SLC8A3: variants seen among roughly 807,000 people sequenced by gnomAD.
SLC8A3 encodes sodium/calcium exchanger 3.
SLC8A3 carries 37 observed loss-of-function variants against 65.4 expected under a neutral mutation model. That is an observed-to-expected ratio of 0.57 (90% CI 0.44 to 0.74). The LOEUF (loss-of-function observed/expected upper bound fraction) is 0.74. Among genes scored for constraint, SLC8A3 ranks in the 30% least tolerant of loss-of-function variants. The probability of loss-of-function intolerance (pLI) is 0.00; values close to 1 mark genes in which losing one functional copy is unlikely to be tolerated. For missense variants in SLC8A3, 1,112 were observed against 1,172.1 expected (o/e 0.95, Z 0.75); for synonymous variants, 461 against 444.5 (o/e 1.04, Z -0.47).
intron 1 of SLC8A3, among the ~76,000 whole-genome samples, chr14:70,182,919 G>T (rs1487284528): frequency 6.6e-6 from 1 of 152,156 alleles, no homozygotes; most frequent in Non-Finnish European, 1.5e-5. Flanking sequence ...GGAAATGAAG[G>T]GTTTTGTTTC....
intron 2 of SLC8A3, among the ~76,000 whole-genome samples, chr14:70,164,574 G>A (rs1897062149): frequency 6.6e-6 from 1 of 152,140 alleles, no homozygotes. Context: ...ACGCAAATAA[G>A]TTTGAGGAAG....
chr14:70,045,945 G>A lies in SLC8A3; in HGVS notation c.*2C>T, dbSNP rs1421480045. 1.9e-6 allele frequency: 3 copies of A among 1,585,586 alleles called. No individual in the cohort carries two copies. The highest frequency in any genetic ancestry group is 2.3e-5 in the East Asian group (1 of 44,286). ...GCCCTGCTGGAGGCTCTGTTGTGTG[G>A]CTTAGAACCCCTTGATGTAGCAATA... is the stretch of plus-strand genomic sequence containing the variant. On this transcript the variant is annotated 3_prime_UTR_variant, in exon 7 of 7. Coordinates refer to ENST00000356921, the MANE Select transcript of SLC8A3 (RefSeq NM_182932.3).
chr14:70,146,853 G>A (rs1895957163), intron 2 of SLC8A3, among the ~76,000 whole-genome samples: 1 of 152,228 alleles, frequency 6.6e-6, no homozygotes, highest in Non-Finnish European at 1.5e-5. Context: ...GAGGAAATGT[G>A]TGTGTTAGAT....
At chr14:70,050,419 T>G (rs1438746735) in intron 5 of SLC8A3, among the ~76,000 whole-genome samples, 3 of 152,136 alleles carry the variant, frequency 2.0e-5, no homozygotes, top group Non-Finnish European at 4.4e-5. Context: ...TGATGGTGGT[T>G]GGGAGACCTT....
intron 2 of SLC8A3, among the ~76,000 whole-genome samples, chr14:70,091,084 C>G (rs186097418): frequency 5.3e-5 from 8 of 152,310 alleles, no homozygotes; most frequent in African/African-American, 1.9e-4. Flanking sequence ...AAAACAGCTG[C>G]AACGATAATG....
chr14:70,113,723 G>A (rs1030932026), intron 2 of SLC8A3, among the ~76,000 whole-genome samples: 1 of 152,140 alleles, frequency 6.6e-6, no homozygotes, highest in African/African-American at 2.4e-5. Flanking sequence ...ATAACCACAG[G>A]CTAAATCAAC....
At chr14:70,133,960 C>T (rs1028524882) in intron 2 of SLC8A3, among the ~76,000 whole-genome samples, 3 of 152,174 alleles carry the variant, frequency 2.0e-5, no homozygotes, top group African/African-American at 7.2e-5. Context: ...GTCAACTTCC[C>T]CTCTATCTTC....
At chr14:70,096,393 G>A (rs530900422) in intron 2 of SLC8A3, among the ~76,000 whole-genome samples, 63 of 152,234 alleles carry the variant, frequency 4.1e-4, no homozygotes, top group African/African-American at 1.3e-3. Context: ...AACACAAATC[G>A]TTGACAATGA....
At chr14:70,163,567 C>T (rs1357560521) in intron 2 of SLC8A3, among the ~76,000 whole-genome samples, 1 of 152,178 alleles carries the variant, frequency 6.6e-6, no homozygotes, top group African/African-American at 2.4e-5. Context: ...TCCAAGTACC[C>T]TGAAGCTATC....
chr14:70,116,355 G>GTGTGTGTA (rs1055199115), intron 2 of SLC8A3, among the ~76,000 whole-genome samples: 2 of 147,408 alleles, frequency 1.4e-5, no homozygotes, highest in African/African-American at 4.9e-5. Context: ...GTGTGTGTGT[G>GTGTGTGTA]TATGTGTGTG....
chr14:70,142,462 G>A (rs1381295751), intron 2 of SLC8A3, among the ~76,000 whole-genome samples: 1 of 152,176 alleles, frequency 6.6e-6, no homozygotes, highest in East Asian at 1.9e-4. Context: ...TGTGAAATAA[G>A]GCATCAGGTA....
At chr14:70,082,690 G>A (rs1431087067) in intron 2 of SLC8A3, among the ~76,000 whole-genome samples, 1 of 152,128 alleles carries the variant, frequency 6.6e-6, no homozygotes, top group African/African-American at 2.4e-5. Context: ...GTGTAGCTGT[G>A]TCATACACCT....
chr14:70,140,480 A>C (rs570979563), intron 2 of SLC8A3, among the ~76,000 whole-genome samples: 1 of 152,328 alleles, frequency 6.6e-6, no homozygotes, highest in South Asian at 2.1e-4. Context: ...TCCTCTCTGC[A>C]TTAATTCCAG....
At chr14:70,187,417 C>T (rs1260094276) in intron 1 of SLC8A3, among the ~76,000 whole-genome samples, 3 of 151,942 alleles carry the variant, frequency 2.0e-5, no homozygotes, top group Admixed American at 6.5e-5. Flanking sequence ...TATTTAACCC[C>T]ACCCCGCCAC....
chr14:70,188,562 G>A lies in SLC8A3; in HGVS notation c.-246C>T, dbSNP rs530453332. ...CGCCGCCCTCCCGCCGGGGTTCGTG[G>A]GCTCGCAGCTGTCAGGGAGCTGCGG... On this transcript the variant is annotated 5_prime_UTR_variant, in exon 1 of 7. Coordinates refer to ENST00000356921, the MANE Select transcript of SLC8A3 (RefSeq NM_182932.3). 2.0e-5 allele frequency: 3 copies of A among 152,296 alleles called. No individual in the cohort carries two copies. The highest frequency in any genetic ancestry group is 7.2e-5 in the African/African-American group (3 of 41,566). The allele number at this position is 152,296 out of a possible 1,614,324, so 9.4% of individuals were successfully genotyped here. A position where few individuals can be genotyped will look rare whatever the true frequency, so the allele number is the denominator to read the frequency against.
At chr14:70,138,568 C>T (rs1277613183) in intron 2 of SLC8A3, among the ~76,000 whole-genome samples, 1 of 152,202 alleles carries the variant, frequency 6.6e-6, no homozygotes, top group Non-Finnish European at 1.5e-5. Flanking sequence ...ATTGCATCAA[C>T]TATAAGTTCC....
At chr14:70,123,560 C>T (rs1373241953) in intron 2 of SLC8A3, among the ~76,000 whole-genome samples, 6 of 151,638 alleles carry the variant, frequency 4.0e-5, no homozygotes, top group Admixed American at 6.6e-5. Flanking sequence ...AGCAATTCTC[C>T]GGCCTCAGCC....
chr14:70,113,730 C>T (rs1482421804), intron 2 of SLC8A3, among the ~76,000 whole-genome samples: 1 of 152,178 alleles, frequency 6.6e-6, no homozygotes, highest in East Asian at 1.9e-4. Context: ...CAGGCTAAAT[C>T]AACATGCACA....
intron 2 of SLC8A3, among the ~76,000 whole-genome samples, chr14:70,110,382 A>G (rs1183037415): frequency 7.8e-6 from 1 of 128,280 alleles, no homozygotes; most frequent in Non-Finnish European, 1.5e-5. Context: ...TCTACTCTCT[A>G]TGTCCATAGG....
Sources: gnomAD v4.1 joint callset for allele counts (sites outside exome capture counted in the v4.1 genomes callset) on GRCh38, gnomAD v4.1.1 for gene constraint, MANE v1.5 for transcripts, NCBI Gene and HGNC (gene_info 2026-07-23, HGNC 2026-07-21) for gene names.